The following CADPS variants were observed in gnomAD, a reference collection of about 807,000 sequenced individuals.
CADPS encodes the protein calcium-dependent secretion activator 1.
Under a neutral mutation model 167.3 loss-of-function variants are expected in CADPS, and 57 were observed. That is an observed-to-expected ratio of 0.34 (90% confidence interval 0.28 to 0.42). The LOEUF (loss-of-function observed/expected upper bound fraction) is 0.42, where lower values mean the gene tolerates loss of function less well. Ranked by LOEUF, CADPS falls within the 20% of genes least tolerant of loss-of-function variation. The probability of loss-of-function intolerance (pLI) is 1.00; values close to 1 mark genes in which losing one functional copy is unlikely to be tolerated. For synonymous variants in CADPS, 676 were observed against 635.3 expected, an observed-to-expected ratio of 1.06 and a Z score of -0.96; for missense variants, 1,414 against 1,738.1, an observed-to-expected ratio of 0.81 and a Z score of 3.32.
intron 26 of CADPS, among the ~76,000 whole-genome samples, chr3:62,449,803 G>A (rs1172345944): frequency 6.6e-6 from 1 of 151,526 alleles, no homozygotes; most frequent in Non-Finnish European, 1.5e-5. Context: ...AAAAGAGTGT[G>A]TGTGTGTGTG....
intron 6 of CADPS, among the ~76,000 whole-genome samples, chr3:62,593,373 C>T (rs1243272010): frequency 2.0e-5 from 3 of 152,196 alleles, no homozygotes; most frequent in African/African-American, 4.8e-5. Context: ...CACACGGGAG[C>T]CTGGCTTACC....
chr3:62,656,446 G>A (rs572785714), intron 4 of CADPS, among the ~76,000 whole-genome samples: 1 of 152,260 alleles, frequency 6.6e-6, no homozygotes, highest in East Asian at 1.9e-4. Context: ...AGTTACTAGA[G>A]TTAAACTTGA....
intron 3 of CADPS, among the ~76,000 whole-genome samples, chr3:62,738,908 A>T (rs35536641): frequency 0.077 from 11,742 of 152,226 alleles, 588 homozygotes; most frequent in Non-Finnish European, 0.11. Context: ...TAAGTTGGGC[A>T]TATATTGGCT....
intron 6 of CADPS, among the ~76,000 whole-genome samples, chr3:62,615,417 A>C (rs759324583): frequency 1.3e-5 from 2 of 152,224 alleles, no homozygotes; most frequent in Non-Finnish European, 2.9e-5. Context: ...ACAGTAACAA[A>C]GCATCAGCTG....
At chr3:62,675,225 T>C (rs928307475) in intron 3 of CADPS, among the ~76,000 whole-genome samples, 1 of 151,936 alleles carries the variant, frequency 6.6e-6, no homozygotes, top group Non-Finnish European at 1.5e-5. Flanking sequence ...TTGCTGAAAC[T>C]AATCTTGTGG....
intron 28 of CADPS, among the ~76,000 whole-genome samples, chr3:62,414,824 A>G (rs1191511697): frequency 3.3e-5 from 5 of 152,206 alleles, no homozygotes; most frequent in Non-Finnish European, 2.9e-5. Flanking sequence ...TCCAGGGAGG[A>G]CGGGAAGGCC....
At chr3:62,605,191 C>T (rs1490420578) in intron 6 of CADPS, among the ~76,000 whole-genome samples, 1 of 152,000 alleles carries the variant, frequency 6.6e-6, no homozygotes, top group Non-Finnish European at 1.5e-5. Context: ...AAATGCATTG[C>T]ACACCCCTTT....
At chr3:62,562,356 T>C (rs1435038311) in intron 9 of CADPS, among the ~76,000 whole-genome samples, 4 of 152,182 alleles carry the variant, frequency 2.6e-5, no homozygotes, top group South Asian at 2.1e-4. Flanking sequence ...TTTAGAGTCA[T>C]GCAGAACTGG....
intron 1 of CADPS, among the ~76,000 whole-genome samples, chr3:62,851,967 C>T (rs1559927774): frequency 2.0e-5 from 3 of 150,812 alleles, no homozygotes; most frequent in Admixed American, 6.6e-5. Context: ...GGAGGCTTTG[C>T]TCATTTCTTT....
intron 9 of CADPS, among the ~76,000 whole-genome samples, chr3:62,562,446 T>G (rs1306204592): frequency 6.6e-6 from 1 of 152,196 alleles, no homozygotes; most frequent in Non-Finnish European, 1.5e-5. Context: ...TTTGTGATCT[T>G]TAAATGGGGA....
At chr3:62,673,099 A>G (rs2075814155) in intron 3 of CADPS, among the ~76,000 whole-genome samples, 1 of 152,238 alleles carries the variant, frequency 6.6e-6, no homozygotes, top group Non-Finnish European at 1.5e-5. Context: ...TGTTCTGTGC[A>G]AGACTGTAAG....
chr3:62,517,082 G>A (rs1206405115), intron 14 of CADPS, among the ~76,000 whole-genome samples: 1 of 152,160 alleles, frequency 6.6e-6, no homozygotes, highest in Non-Finnish European at 1.5e-5. Context: ...GCAAATTCAT[G>A]ATTCTGCTAG....
In CADPS at chr3:62,639,316, C is replaced by T. The variant is rs183371657; in HGVS notation, c.1325+6406G>A. 7.9e-5 allele frequency among the ~76,000 whole-genome samples: 12 copies of T among 152,276 alleles called. 1 individual carries two copies. The highest frequency in any genetic ancestry group is 2.2e-4 in the African/African-American group (9 of 41,548). On this transcript the variant is annotated intron_variant, in intron 6 of 29. Transcript: ENST00000383710. ...CAGAAGAAATAGTATCCAAGCTCCA[C>T]GTTCTCGCTACATAATGTCTCTACG...
Position 62,715,397 on chromosome 3 carries a change from T to G in CADPS, c.888+38044A>C, listed in dbSNP as rs1369072449. Among the ~76,000 whole-genome samples, 8 of 130,284 alleles carry G rather than the reference T, an allele frequency of 6.1e-5. No individual in the cohort carries two copies. The East Asian group carries it at 1.6e-3, about 26-fold the overall frequency. The allele number at this position is 130,284 out of a possible 152,430, so 85.5% of individuals were successfully genotyped here. ...ACCTATCTATCTATCTATCTATCTA[T>G]CTGTATTATATATAAATATATATTT... On this transcript the variant is annotated intron_variant, in intron 3 of 29. Coordinates refer to ENST00000383710, the MANE Select transcript of CADPS (RefSeq NM_003716.4).
intron 1 of CADPS, among the ~76,000 whole-genome samples, chr3:62,869,892 A>G (rs140875773): frequency 1.3e-5 from 2 of 152,250 alleles, no homozygotes; most frequent in East Asian, 1.9e-4. Context: ...ATAGCTTACG[A>G]TTGTTTATTA....
intron 9 of CADPS, among the ~76,000 whole-genome samples, chr3:62,559,511 T>G (rs2078768996): frequency 6.6e-6 from 1 of 152,096 alleles, no homozygotes; most frequent in Non-Finnish European, 1.5e-5. Flanking sequence ...TTTTTTTTTT[T>G]TAGATGGAGT....
At chr3:62,706,379 T>A (rs1052071688) in intron 3 of CADPS, among the ~76,000 whole-genome samples, 1 of 152,134 alleles carries the variant, frequency 6.6e-6, no homozygotes, top group African/African-American at 2.4e-5. Flanking sequence ...ATTAATTTGA[T>A]CACGGACTTT....
chr3:62,746,003 T>C (rs771551050), intron 3 of CADPS, among the ~76,000 whole-genome samples: 6 of 152,176 alleles, frequency 3.9e-5, no homozygotes, highest in African/African-American at 7.2e-5. Context: ...CAGCAAACAC[T>C]GAGGAGCCCA....
chr3:62,862,255 T>C (rs531611494), intron 1 of CADPS, among the ~76,000 whole-genome samples: 4 of 150,664 alleles, frequency 2.7e-5, no homozygotes, highest in African/African-American at 9.8e-5. Flanking sequence ...TCTTGCTCTG[T>C]CGCCAGTCTG....
Sources: gnomAD v4.1 joint callset for allele counts (sites outside exome capture counted in the v4.1 genomes callset) on GRCh38, gnomAD v4.1.1 for gene constraint, MANE v1.5 for transcripts, NCBI Gene and HGNC (gene_info 2026-07-23, HGNC 2026-07-21) for gene names.